The following CTNNA2 variants were observed in gnomAD, a reference collection of about 807,000 sequenced individuals.
CTNNA2 encodes the protein catenin alpha 2.
In CTNNA2, 42 loss-of-function variants were observed where a neutral mutation model predicts 101.0. That is an observed-to-expected ratio of 0.42 (90% CI 0.32 to 0.54). CTNNA2 has a LOEUF of 0.54. Ranked by LOEUF, CTNNA2 falls within the 20% of genes least tolerant of loss-of-function variation. CTNNA2 has a pLI of 0.14. For missense variants in CTNNA2, 871 were observed against 1,223.1 expected (o/e 0.71, Z 4.29); for synonymous variants, 450 against 456.4 (o/e 0.99, Z 0.18).
intron 2 of CTNNA2, among the ~76,000 whole-genome samples, chr2:79,706,668 C>T (rs546137688): frequency 6.6e-6 from 1 of 152,180 alleles, no homozygotes; most frequent in East Asian, 1.9e-4. Context: ...TAGTAAGAGT[C>T]CCAGATGGCT....
At chr2:79,194,775 T>G (rs1572972901) in intron 1 of CTNNA2, among the ~76,000 whole-genome samples, 2 of 152,142 alleles carry the variant, frequency 1.3e-5, no homozygotes, top group Non-Finnish European at 2.9e-5. Flanking sequence ...TCAGAGAAAT[T>G]TGAGTGGTTC....
chr2:79,785,627 C>G (rs1434888533), intron 3 of CTNNA2, among the ~76,000 whole-genome samples: 2 of 151,988 alleles, frequency 1.3e-5, no homozygotes, highest in African/African-American at 4.8e-5. Flanking sequence ...TCTATATTTT[C>G]CAGAATATTT....
intron 4 of CTNNA2, among the ~76,000 whole-genome samples, chr2:79,384,035 C>G (rs1217507073): frequency 6.6e-6 from 1 of 152,110 alleles, no homozygotes; most frequent in African/African-American, 2.4e-5. Context: ...TTGGATGGTG[C>G]TTACAGGCCA....
At chr2:79,647,295 A>G (rs991540465) in intron 1 of CTNNA2, among the ~76,000 whole-genome samples, 1 of 152,242 alleles carries the variant, frequency 6.6e-6, no homozygotes, top group Non-Finnish European at 1.5e-5. Flanking sequence ...ATTGCCAAAA[A>G]AGGAAATTTA....
At chr2:79,371,243 G>A (rs1243554609) in intron 3 of CTNNA2, among the ~76,000 whole-genome samples, 1 of 151,954 alleles carries the variant, frequency 6.6e-6, no homozygotes, top group Non-Finnish European at 1.5e-5. Context: ...TAAAAGATGC[G>A]ATGGAAGGAG....
At chr2:80,001,936 A>C (rs1692977579) in intron 7 of CTNNA2, among the ~76,000 whole-genome samples, 1 of 152,258 alleles carries the variant, frequency 6.6e-6, no homozygotes, top group African/African-American at 2.4e-5. Flanking sequence ...AGTTCTGAGT[A>C]TCAGATTCTG....
intron 1 of CTNNA2, among the ~76,000 whole-genome samples, chr2:79,650,828 T>C (rs1287443131): frequency 2.4e-5 from 3 of 123,258 alleles, no homozygotes; most frequent in African/African-American, 9.5e-5. Context: ...GATGTTCCCC[T>C]TCCTGTGTCC....
At chr2:80,476,235 C>T (rs537452515) in intron 9 of CTNNA2, among the ~76,000 whole-genome samples, 1 of 152,078 alleles carries the variant, frequency 6.6e-6, no homozygotes, top group Admixed American at 6.6e-5. Context: ...CGGGCTGGAG[C>T]TTTTTGGCTC....
intron 7 of CTNNA2, among the ~76,000 whole-genome samples, chr2:80,266,624 C>T (rs565677937): frequency 1.8e-4 from 28 of 152,248 alleles, no homozygotes; most frequent in Middle Eastern, 3.4e-3. Flanking sequence ...CTTGTTTAAC[C>T]GGTATGGATA....
chr2:80,540,112 A>G (rs2149615213), intron 9 of CTNNA2, among the ~76,000 whole-genome samples: 1 of 152,264 alleles, frequency 6.6e-6, no homozygotes, highest in African/African-American at 2.4e-5. Flanking sequence ...CACTCACATT[A>G]ATCTTTTCAA....
chr2:80,609,240 G>T (rs113865487), intron 17 of CTNNA2, among the ~76,000 whole-genome samples: 4 of 151,760 alleles, frequency 2.6e-5, no homozygotes, highest in Non-Finnish European at 5.9e-5. Flanking sequence ...ACAAAGCTCA[G>T]GTCTTCCTGA....
At chr2:79,955,803 AC>A (rs1346915235) in intron 7 of CTNNA2, among the ~76,000 whole-genome samples, 1 of 152,164 alleles carries the variant, frequency 6.6e-6, no homozygotes, top group Non-Finnish European at 1.5e-5. Flanking sequence ...GGTGTGAGCC[AC>A]CACACTCGGC....
chr2:79,371,118 G>A (rs532450879), intron 3 of CTNNA2, among the ~76,000 whole-genome samples: 2 of 141,210 alleles, frequency 1.4e-5, no homozygotes, highest in Admixed American at 7.5e-5. Context: ...ATAACTTCTA[G>A]CATGGTTCTG....
intron 3 of CTNNA2, among the ~76,000 whole-genome samples, chr2:79,854,154 C>G (rs1680949904): frequency 6.6e-6 from 1 of 152,030 alleles, no homozygotes; most frequent in East Asian, 1.9e-4. Flanking sequence ...TATCTTCAAA[C>G]AATAAGTACT....
intron 6 of CTNNA2, 47 bp downstream of exon 6, chr2:79,874,389 C>CAAA (rs56849709): frequency 6.7e-5 from 87 of 1,298,700 alleles, no homozygotes; most frequent in African/African-American, 3.8e-4. Context: ...CTGGTGTTGA[C>CAAA]AAAAAAAAAA....
At chr2:79,311,598 A>T (rs1036090142) in intron 2 of CTNNA2, among the ~76,000 whole-genome samples, 1 of 152,042 alleles carries the variant, frequency 6.6e-6, no homozygotes, top group Admixed American at 6.6e-5. Flanking sequence ...GCAACTTCCC[A>T]CATCCCTAAT....
intron 7 of CTNNA2, chr2:80,313,789 G>A (rs1024116342): frequency 1.5e-6 from 1 of 669,654 alleles, no homozygotes; most frequent in African/African-American, 1.8e-5. Context: ...ATGAATGGAG[G>A]AGAAAGGATA....
At chr2:80,418,615 G>A (rs1305441371) in intron 8 of CTNNA2, among the ~76,000 whole-genome samples, 2 of 152,158 alleles carry the variant, frequency 1.3e-5, no homozygotes. Context: ...ATCCTATCAA[G>A]AGATTCACTT....
intron 4 of CTNNA2, among the ~76,000 whole-genome samples, chr2:79,398,323 A>T (rs1678253597): frequency 6.6e-6 from 1 of 152,064 alleles, no homozygotes; most frequent in Non-Finnish European, 1.5e-5. Flanking sequence ...GCTATTCTTC[A>T]TGTGAACCAC....
Sources: allele counts gnomAD v4.1 joint callset (sites outside exome capture counted in the v4.1 genomes callset), GRCh38; gene constraint gnomAD v4.1.1; transcripts MANE v1.5; gene names NCBI Gene and HGNC (gene_info 2026-07-23, HGNC 2026-07-21).